Variants in NBEA observed in about 807,000 individuals in gnomAD.
NBEA encodes neurobeachin.
NBEA carries 44 observed loss-of-function variants against 343.4 expected under a neutral mutation model. The ratio of observed to expected loss-of-function variants is 0.13; its 90% CI spans 0.10 to 0.16. NBEA has a LOEUF of 0.16. NBEA is among the 10% of genes least tolerant of loss of function. The pLI, the probability that NBEA is intolerant of heterozygous loss-of-function variation, is 1.00. For missense variants in NBEA, 2,555 were observed against 3,631.3 expected, an observed-to-expected ratio of 0.70 and a Z score of 7.62; for synonymous variants, 1,175 against 1,238.7, an observed-to-expected ratio of 0.95 and a Z score of 1.08.
intron 34 of NBEA, among the ~76,000 whole-genome samples, chr13:35,234,009 T>C (rs2075104138): frequency 6.6e-6 from 1 of 152,152 alleles, no homozygotes; most frequent in Non-Finnish European, 1.5e-5. Flanking sequence ...AGGAGTGTTC[T>C]ATGCAGAGAG....
intron 40 of NBEA, among the ~76,000 whole-genome samples, 180 bp from the exon 41 acceptor site, chr13:35,472,220 A>G (rs898543694): frequency 6.6e-6 from 1 of 152,208 alleles, no homozygotes; most frequent in African/African-American, 2.4e-5. Flanking sequence ...TAGTCTCGTT[A>G]TAAGGTAATG....
intron 41 of NBEA, among the ~76,000 whole-genome samples, chr13:35,484,022 C>T (rs972270084): frequency 4.6e-5 from 7 of 152,130 alleles, no homozygotes; most frequent in South Asian, 2.1e-4. Context: ...AAGTTTGTCT[C>T]ATAATAACCC....
chr13:35,093,180 GAGA>G (rs2065171522), intron 10 of NBEA, among the ~76,000 whole-genome samples: 1 of 151,952 alleles, frequency 6.6e-6, no homozygotes, highest in Admixed American at 6.6e-5. Context: ...TATGGGTATT[GAGA>G]AGGTGTGGCT....
chr13:35,311,708 G>A (rs1234164277), intron 36 of NBEA, among the ~76,000 whole-genome samples: 4 of 152,060 alleles, frequency 2.6e-5, no homozygotes, highest in African/African-American at 9.7e-5. Context: ...ACAAAAATTA[G>A]CCAGTTGTGG....
intron 38 of NBEA, among the ~76,000 whole-genome samples, chr13:35,419,567 C>T (rs1020091910): frequency 2.0e-5 from 3 of 151,966 alleles, no homozygotes; most frequent in African/African-American, 7.2e-5. Context: ...TAATAAAACT[C>T]TAGACTTCTC....
At chr13:35,397,357 C>A (rs919760480) in intron 38 of NBEA, among the ~76,000 whole-genome samples, 2 of 152,186 alleles carry the variant, frequency 1.3e-5, no homozygotes, top group South Asian at 2.1e-4. Flanking sequence ...GTCAACTTCT[C>A]ATAGAGGCTT....
chr13:34,963,425 T>A (rs1362874506), intron 1 of NBEA, among the ~76,000 whole-genome samples: 1 of 152,004 alleles, frequency 6.6e-6, no homozygotes, highest in East Asian at 1.9e-4. Flanking sequence ...TATCTCCAAA[T>A]GCAATGCCAT....
intron 38 of NBEA, among the ~76,000 whole-genome samples, chr13:35,378,682 GAGT>G (rs2041866007): frequency 6.6e-6 from 1 of 151,684 alleles, no homozygotes; most frequent in East Asian, 1.9e-4. Context: ...ACATACAGAA[GAGT>G]ACATATGTCA....
chr13:35,576,901 G>A (rs548586827), intron 45 of NBEA, among the ~76,000 whole-genome samples: 21 of 152,272 alleles, frequency 1.4e-4, no homozygotes, highest in African/African-American at 4.6e-4. Flanking sequence ...ACAATTGTGA[G>A]TGTACTTACG....
chr13:35,309,727 TAATTAATCTTTA>T (rs1477726750), intron 36 of NBEA, 135 bp downstream of exon 36: 1 of 564,918 alleles, frequency 1.8e-6, no homozygotes, highest in Non-Finnish European at 3.1e-6. Flanking sequence ...CACAGGTACT[TAATTAATCTTTA>T]ACAAAGTTTA....
At chr13:35,473,699 C>A (rs1281961255) in intron 41 of NBEA, among the ~76,000 whole-genome samples, 1 of 152,066 alleles carries the variant, frequency 6.6e-6, no homozygotes, top group East Asian at 1.9e-4. Context: ...TTAGCTTGCC[C>A]TATGAAGTCA....
chr13:35,227,125 G>A (rs1198391539), intron 33 of NBEA, among the ~76,000 whole-genome samples: 5 of 151,840 alleles, frequency 3.3e-5, no homozygotes, highest in Non-Finnish European at 5.9e-5. Context: ...TCACAGGGAA[G>A]TAAAATAAGT....
At chr13:34,994,319 G>A (rs1014739709) in intron 1 of NBEA, among the ~76,000 whole-genome samples, 4 of 151,314 alleles carry the variant, frequency 2.6e-5, no homozygotes, top group Non-Finnish European at 2.9e-5. Flanking sequence ...TTAATTATGT[G>A]GAACGAGTTT....
chr13:35,410,505 AAGAT>A (rs2043518951), intron 38 of NBEA, among the ~76,000 whole-genome samples: 2 of 152,164 alleles, frequency 1.3e-5, no homozygotes, highest in African/African-American at 4.8e-5. Context: ...GTAATGGCTT[AAGAT>A]ATATATCAGA....
intron 45 of NBEA, among the ~76,000 whole-genome samples, chr13:35,573,225 T>G (rs903736086): frequency 6.6e-6 from 1 of 152,240 alleles, no homozygotes; most frequent in Non-Finnish European, 1.5e-5. Context: ...AGATATTCAT[T>G]TATTTAAATT....
At chr13:35,323,632 T>G (rs2038334500) in intron 36 of NBEA, among the ~76,000 whole-genome samples, 2 of 151,480 alleles carry the variant, frequency 1.3e-5, no homozygotes, top group South Asian at 2.1e-4. Context: ...AGTTAGTGGG[T>G]GCAGCACACC....
chr13:34,959,796 TATC>T (rs148360701), intron 1 of NBEA, among the ~76,000 whole-genome samples: 2,166 of 152,200 alleles, frequency 0.014, 19 homozygotes, highest in Middle Eastern at 0.031. Flanking sequence ...AAGTCAGAGA[TATC>T]ATAATGTCAT....
chr13:35,476,278 TG>T (rs2075860416), intron 41 of NBEA: 1 of 1,407,430 alleles, frequency 7.1e-7, no homozygotes, highest in Admixed American at 1.9e-5. Context: ...CTTTCGGAAG[TG>T]CTGCAGCGTT....
intron 38 of NBEA, among the ~76,000 whole-genome samples, chr13:35,424,377 A>G (rs1594586061): frequency 6.6e-6 from 1 of 152,140 alleles, no homozygotes; most frequent in East Asian, 1.9e-4. Context: ...GAATTTTGTC[A>G]AAGGCCTTTT....
Sources: gnomAD v4.1 joint callset for allele counts (sites outside exome capture counted in the v4.1 genomes callset) on GRCh38, gnomAD v4.1.1 for gene constraint, MANE v1.5 for transcripts, NCBI Gene and HGNC (gene_info 2026-07-23, HGNC 2026-07-21) for gene names.